BRINP3: variants seen among roughly 807,000 people sequenced by gnomAD.
BRINP3 encodes BMP/retinoic acid inducible neural specific 3, also known as BMP/retinoic acid-inducible neural-specific protein 3.
A neutral mutation model predicts 71.0 loss-of-function variants in BRINP3; 19 were observed. The observed-to-expected ratio is 0.27, with a 90% CI of 0.19 to 0.39. The LOEUF is 0.39. BRINP3 is among the 10% of genes least tolerant of loss of function. The pLI is 1.00. For missense variants in BRINP3, 959 were observed against 940.8 expected (o/e 1.02, Z -0.25); for synonymous variants, 380 against 337.7 (o/e 1.13, Z -1.37).
At chr1:190,455,249 T>G (rs1675907349) in intron 1 of BRINP3, among the ~76,000 whole-genome samples, 1 of 152,162 alleles carries the variant, frequency 6.6e-6, no homozygotes. Context: ...AAAGTTGGAC[T>G]GATGCAAATA....
At chr1:190,109,024 C>T (rs955262364) in intron 7 of BRINP3, among the ~76,000 whole-genome samples, 9 of 152,094 alleles carry the variant, frequency 5.9e-5, no homozygotes, top group African/African-American at 1.9e-4. Context: ...GTTTCTAGTT[C>T]AGCCTTAATG....
chr1:190,312,460 C>G lies in BRINP3; in HGVS notation c.237-30710G>C, dbSNP rs145533824. Among the ~76,000 whole-genome samples the G allele has an allele frequency of 8.4e-3, 1,279 of 151,662 alleles. 20 individuals are homozygous for G. The highest frequency in any genetic ancestry group is 0.03 in the African/African-American group (1,225 of 41,446). On this transcript the variant is annotated intron_variant, in intron 2 of 7. Coordinates refer to ENST00000367462, the MANE Select transcript of BRINP3 (RefSeq NM_199051.3). ...TCTCCTAAAATATATCTATTCTACC[C>G]TGACATATTGAAATGAATAGAGCAG...
intron 1 of BRINP3, among the ~76,000 whole-genome samples, chr1:190,460,183 C>T (rs995241195): frequency 2.4e-4 from 36 of 151,448 alleles, no homozygotes; most frequent in African/African-American, 8.0e-4. Flanking sequence ...TTTAAAAAGT[C>T]ACATTCTTTC....
intron 2 of BRINP3, among the ~76,000 whole-genome samples, chr1:190,315,396 T>C (rs184694952): frequency 1.3e-5 from 2 of 151,890 alleles, no homozygotes; most frequent in Non-Finnish European, 2.9e-5. Context: ...CAGAGAGCAA[T>C]GGATAAGAAC....
intron 7 of BRINP3, among the ~76,000 whole-genome samples, chr1:190,144,131 C>A (rs1353495977): frequency 6.6e-6 from 1 of 152,068 alleles, no homozygotes; most frequent in African/African-American, 2.4e-5. Flanking sequence ...CAAAATGTGC[C>A]AAGAAAATTA....
At chr1:190,332,044 A>T (rs188675932) in intron 2 of BRINP3, among the ~76,000 whole-genome samples, 2 of 151,986 alleles carry the variant, frequency 1.3e-5, no homozygotes, top group Non-Finnish European at 2.9e-5. Context: ...TTTTTTGTTA[A>T]TCTGGCCATT....
chr1:190,245,938 A>AT, intron 4 of BRINP3, among the ~76,000 whole-genome samples: 1 of 151,758 alleles, frequency 6.6e-6, no homozygotes, highest in East Asian at 2.0e-4. Context: ...TGAACTCATC[A>AT]TTTTTTATGG....
At chr1:190,385,606 A>C (rs1443835565) in intron 2 of BRINP3, among the ~76,000 whole-genome samples, 3 of 152,068 alleles carry the variant, frequency 2.0e-5, no homozygotes, top group Non-Finnish European at 4.4e-5. Context: ...GATGTGAAGA[A>C]ATAGGAATAC....
chr1:190,262,617 A>G (rs1233686876), intron 4 of BRINP3, among the ~76,000 whole-genome samples: 1 of 152,108 alleles, frequency 6.6e-6, no homozygotes, highest in Non-Finnish European at 1.5e-5. Flanking sequence ...TTTTATTATG[A>G]GCACTGGAAC....
intron 7 of BRINP3, 33 bp downstream of exon 7, chr1:190,160,625 TCGGCAATAAA>T: frequency 1.3e-6 from 2 of 1,547,658 alleles, no homozygotes; most frequent in Admixed American, 1.9e-5. Flanking sequence ...ACTCACTTTT[TCGGCAATAAA>T]CTTAATTGCT....
At chr1:190,389,218 C>G (rs531569017) in intron 2 of BRINP3, among the ~76,000 whole-genome samples, 1 of 151,506 alleles carries the variant, frequency 6.6e-6, no homozygotes, top group African/African-American at 2.4e-5. Flanking sequence ...TTATAAGTCA[C>G]CAAAATTTGA....
At chr1:190,268,234 T>G (rs1342457322) in intron 3 of BRINP3, among the ~76,000 whole-genome samples, 1 of 152,136 alleles carries the variant, frequency 6.6e-6, no homozygotes, top group African/African-American at 2.4e-5. Context: ...TATGATTAAC[T>G]AAGAATTAAT....
rs552862517 is a variant in BRINP3 at position 190,189,039 on chromosome 1, C to T, written c.962-28149G>A. ...CCTCCCAAAGTGCTGGGATTACAGG[C>T]GTGAGCTGGTATCTTGTTGAGAATG... On this transcript the variant is annotated intron_variant, in intron 6 of 7. Transcript: ENST00000367462. Among the ~76,000 whole-genome samples the T allele has an allele frequency of 2.6e-5, 4 of 152,162 alleles. No homozygotes were observed. The East Asian group carries it at 7.8e-4, about 30-fold the overall frequency.
At chr1:190,411,450 A>T (rs142472129) in intron 2 of BRINP3, among the ~76,000 whole-genome samples, 1 of 152,270 alleles carries the variant, frequency 6.6e-6, no homozygotes, top group East Asian at 1.9e-4. Context: ...GAAAGAAAAT[A>T]ATAGGCCACA....
At chr1:190,366,778 G>A (rs1428526071) in intron 2 of BRINP3, among the ~76,000 whole-genome samples, 1 of 152,162 alleles carries the variant, frequency 6.6e-6, no homozygotes, top group African/African-American at 2.4e-5. Flanking sequence ...CAGTCCCCAT[G>A]CAAGTCCAAA....
Position 190,477,843 on chromosome 1 carries a change from A to G in BRINP3, c.-446T>C, listed in dbSNP as rs1484149749. 6.6e-6 allele frequency: 1 copy of G among 152,224 alleles called. No homozygotes were observed. Among genetic ancestry groups the G allele is most frequent in the Admixed American group, 6.5e-5 (1 of 15,284 alleles). 9.4% of individuals were successfully genotyped at this position (152,224 alleles called of 1,614,324 possible). On this transcript the variant is annotated 5_prime_UTR_variant, in exon 1 of 8. Coordinates refer to ENST00000367462, the MANE Select transcript of BRINP3 (RefSeq NM_199051.3). ...GAAGTAAAAGGATGTGTTGAAGACA[A>G]CGAGATAAAGAGAGAACTAGTGAGC...
chr1:190,210,615 C>A (rs1200850371), intron 6 of BRINP3, among the ~76,000 whole-genome samples: 1 of 152,048 alleles, frequency 6.6e-6, no homozygotes, highest in Non-Finnish European at 1.5e-5. Context: ...TCATGCTCTT[C>A]TTCATACCTG....
intron 2 of BRINP3, among the ~76,000 whole-genome samples, chr1:190,441,594 A>G (rs1248949913): frequency 6.6e-6 from 1 of 152,158 alleles, no homozygotes; most frequent in Admixed American, 6.5e-5. Flanking sequence ...GCAAATGAAT[A>G]CATAGGAGCT....
chr1:190,340,116 G>A (rs1297421602), intron 2 of BRINP3, among the ~76,000 whole-genome samples: 1 of 151,822 alleles, frequency 6.6e-6, no homozygotes, highest in Non-Finnish European at 1.5e-5. Context: ...TATACAATGT[G>A]GGGAAATCAA....
Sources: gnomAD v4.1 joint callset for allele counts (sites outside exome capture counted in the v4.1 genomes callset) on GRCh38, gnomAD v4.1.1 for gene constraint, MANE v1.5 for transcripts, NCBI Gene and HGNC (gene_info 2026-07-23, HGNC 2026-07-21) for gene names.